Variants in USO1 observed in about 807,000 individuals in gnomAD.
USO1 encodes the protein USO1 vesicle transport factor.
Under a neutral mutation model 124.5 loss-of-function variants are expected in USO1, and 57 were observed. The observed-to-expected ratio is 0.46, with a 90% CI of 0.37 to 0.57. USO1 has a LOEUF of 0.57. Ranked by LOEUF, USO1 falls within the 20% of genes least tolerant of loss-of-function variation. USO1 has a pLI of 0.00. For missense variants in USO1, 900 were observed against 1,040.6 expected (o/e 0.86, Z 1.86); for synonymous variants, 369 against 362.8 (o/e 1.02, Z -0.19).
chr4:75,795,404 C>T, intron 13 of USO1: 1 of 697,812 alleles, frequency 1.4e-6, no homozygotes, highest in Non-Finnish European at 2.6e-6. Flanking sequence ...TATAGCAAAG[C>T]TTTTTCTCTG....
intron 4 of USO1, chr4:75,767,512 A>G (rs1319932825): frequency 1.7e-5 from 7 of 411,270 alleles, no homozygotes; most frequent in Non-Finnish European, 2.9e-5. Context: ...TGGGAGGCCA[A>G]GGCAGGCGGA....
chr4:75,805,876 A>T (rs1722983437), intron 19 of USO1, among the ~76,000 whole-genome samples: 1 of 152,166 alleles, frequency 6.6e-6, no homozygotes, highest in Non-Finnish European at 1.5e-5. Flanking sequence ...TGTGAGATTT[A>T]ATTTACTCTT....
At chr4:75,806,893 AT>A (rs1430995291) in intron 20 of USO1, among the ~76,000 whole-genome samples, 1 of 152,146 alleles carries the variant, frequency 6.6e-6, no homozygotes, top group Non-Finnish European at 1.5e-5. Context: ...CTTATGCCTA[AT>A]TTTAATATAC....
intron 14 of USO1, 51 bp downstream of exon 14, chr4:75,799,783 G>C (rs1430008497): frequency 2.5e-6 from 4 of 1,596,214 alleles, no homozygotes; most frequent in Non-Finnish European, 3.4e-6. Flanking sequence ...ATCTTTTTTA[G>C]TTTTTCTCCT....
chr4:75,772,425 G>C (rs1721958281), intron 7 of USO1, among the ~76,000 whole-genome samples: 1 of 151,910 alleles, frequency 6.6e-6, no homozygotes, highest in Non-Finnish European at 1.5e-5. Flanking sequence ...TTTTAGTAGA[G>C]ACAGGGTTTC....
At chr4:75,741,846 C>T (rs1373940477) in intron 1 of USO1, among the ~76,000 whole-genome samples, 3 of 151,930 alleles carry the variant, frequency 2.0e-5, no homozygotes, top group African/African-American at 7.3e-5. Flanking sequence ...TCAGGTGATT[C>T]GGCCTCCCAA....
At chr4:75,789,874 T>G (rs1722477766) in intron 10 of USO1, among the ~76,000 whole-genome samples, 1 of 152,028 alleles carries the variant, frequency 6.6e-6, no homozygotes, top group Admixed American at 6.5e-5. Flanking sequence ...AGACCCATGC[T>G]TAATGCTTTA....
At chr4:75,784,114 T>A (rs1722294492) in intron 9 of USO1, among the ~76,000 whole-genome samples, 2 of 152,220 alleles carry the variant, frequency 1.3e-5, no homozygotes, top group South Asian at 4.1e-4. Context: ...TCAACCTCCC[T>A]GGCTCAAGAA....
chr4:75,795,154 G>A (rs1031403234), intron 13 of USO1, among the ~76,000 whole-genome samples: 1 of 152,152 alleles, frequency 6.6e-6, no homozygotes, highest in East Asian at 1.9e-4. Flanking sequence ...AAAATATATA[G>A]CCTCTAAATG....
At chr4:75,758,721 T>A (rs1364606028) in intron 4 of USO1, among the ~76,000 whole-genome samples, 2 of 152,008 alleles carry the variant, frequency 1.3e-5, no homozygotes, top group African/African-American at 2.4e-5. Context: ...CCATCTCATT[T>A]AAAAAAAATT....
chr4:75,801,253 C>G (rs1722843236), intron 17 of USO1, 53 bp downstream of exon 17: 1 of 1,468,672 alleles, frequency 6.8e-7, no homozygotes, highest in African/African-American at 1.4e-5. Flanking sequence ...GCACTTTCTG[C>G]TTTAAGGGAG....
chr4:75,774,234 C>T (rs1722010328), intron 7 of USO1, among the ~76,000 whole-genome samples: 1 of 152,098 alleles, frequency 6.6e-6, no homozygotes, highest in South Asian at 2.1e-4. Context: ...ACAAGAATTT[C>T]TGAACTTTCT....
At chr4:75,769,672 T>A (rs187219353) in intron 4 of USO1, among the ~76,000 whole-genome samples, 1 of 152,210 alleles carries the variant, frequency 6.6e-6, no homozygotes, top group East Asian at 1.9e-4. Flanking sequence ...CATCACTAAT[T>A]TGAGTTTATA....
chr4:75,763,784 G>C (rs541084848), intron 4 of USO1, among the ~76,000 whole-genome samples: 222 of 152,206 alleles, frequency 1.5e-3, no homozygotes, highest in Non-Finnish European at 2.6e-3. Context: ...AATGATTAAT[G>C]ATGAGAGAAG....
At chr4:75,790,547 G>C (rs1042759789) in intron 11 of USO1, 96 bp from the exon 12 acceptor site, 58 of 1,481,482 alleles carry the variant, frequency 3.9e-5, no homozygotes, top group Non-Finnish European at 4.9e-5. Flanking sequence ...CTGGTGTTCT[G>C]GTTATGATTC....
At chr4:75,796,747 C>T (rs969277251) in intron 13 of USO1, among the ~76,000 whole-genome samples, 2 of 151,694 alleles carry the variant, frequency 1.3e-5, no homozygotes, top group Non-Finnish European at 2.9e-5. Context: ...CATTTGTTTT[C>T]TCAAATCTCC....
chr4:75,736,640 C>A (rs1454288180), intron 1 of USO1, among the ~76,000 whole-genome samples: 2 of 152,104 alleles, frequency 1.3e-5, no homozygotes, highest in African/African-American at 4.8e-5. Context: ...GAGATCTTTC[C>A]ATGTTAAAAC....
At chr4:75,730,468 A>G (rs1330467338) in intron 1 of USO1, among the ~76,000 whole-genome samples, 5 of 151,852 alleles carry the variant, frequency 3.3e-5, no homozygotes, top group African/African-American at 9.7e-5. Context: ...TTTTTCCTCT[A>G]GGGAACTTTG....
chr4:75,798,709 T>A (rs1722759522), intron 13 of USO1, among the ~76,000 whole-genome samples: 1 of 152,208 alleles, frequency 6.6e-6, no homozygotes, highest in African/African-American at 2.4e-5. Flanking sequence ...CAGTGATGAT[T>A]ACTTTAAATT....
Sources: gnomAD v4.1 joint callset for allele counts (sites outside exome capture counted in the v4.1 genomes callset) on GRCh38, gnomAD v4.1.1 for gene constraint, MANE v1.5 for transcripts, NCBI Gene and HGNC (gene_info 2026-07-23, HGNC 2026-07-21) for gene names.